MAGI2: variants seen among roughly 807,000 people sequenced by gnomAD.
MAGI2 encodes the protein membrane associated guanylate kinase, WW and PDZ domain containing 2, also known as membrane-associated guanylate kinase, WW and PDZ domain-containing protein 2.
A neutral mutation model predicts 133.3 loss-of-function variants in MAGI2; 35 were observed. That is an observed-to-expected ratio of 0.26 (90% CI 0.20 to 0.35). The LOEUF (loss-of-function observed/expected upper bound fraction) is 0.35. Among genes scored for constraint, MAGI2 ranks in the 10% least tolerant of loss-of-function variants. The pLI is 1.00. For missense variants in MAGI2, 1,636 were observed against 1,863.4 expected, an observed-to-expected ratio of 0.88 and a Z score of 2.25; for synonymous variants, 729 against 710.6, an observed-to-expected ratio of 1.03 and a Z score of -0.41.
intron 2 of MAGI2, among the ~76,000 whole-genome samples, chr7:78,659,251 C>G (rs1402685067): frequency 1.3e-5 from 2 of 151,772 alleles, no homozygotes; most frequent in African/African-American, 4.8e-5. Context: ...GAGATTGAGA[C>G]CATCCTGGTT....
At chr7:79,443,810 A>G (rs577374836) in intron 1 of MAGI2, among the ~76,000 whole-genome samples, 145 of 152,324 alleles carry the variant, frequency 9.5e-4, no homozygotes, top group Admixed American at 1.8e-3. Context: ...TTCAAACACA[A>G]TGTAATATAA....
At chr7:78,398,817 T>C (rs76197084) in intron 6 of MAGI2, among the ~76,000 whole-genome samples, 486 of 152,244 alleles carry the variant, frequency 3.2e-3, no homozygotes, top group African/African-American at 0.011. Context: ...CACCCTAGTG[T>C]TTAAAAATCC....
At chr7:78,311,469 CA>C (rs1465982691) in intron 9 of MAGI2, among the ~76,000 whole-genome samples, 1 of 152,142 alleles carries the variant, frequency 6.6e-6, no homozygotes, top group African/African-American at 2.4e-5. Flanking sequence ...ATCCAGACTA[CA>C]GAGGATCAAG....
intron 12 of MAGI2, among the ~76,000 whole-genome samples, chr7:78,185,993 C>T (rs1477950607): frequency 1.3e-5 from 2 of 152,014 alleles, no homozygotes; most frequent in Non-Finnish European, 2.9e-5. Context: ...AAAGTAAAGT[C>T]AATCTAGAAC....
chr7:78,076,770 C>T (rs1038398533), intron 21 of MAGI2, among the ~76,000 whole-genome samples: 53 of 138,036 alleles, frequency 3.8e-4, no homozygotes, highest in African/African-American at 1.3e-3. Flanking sequence ...GGCGTGAACC[C>T]GGGAAGCGGA....
At chr7:78,955,171 T>C (rs990817898) in intron 2 of MAGI2, among the ~76,000 whole-genome samples, 5 of 152,152 alleles carry the variant, frequency 3.3e-5, no homozygotes, top group African/African-American at 9.7e-5. Flanking sequence ...GTATTTAGTA[T>C]CTTAATAAAT....
At chr7:79,221,926 G>A (rs1830472476) in intron 1 of MAGI2, among the ~76,000 whole-genome samples, 1 of 151,892 alleles carries the variant, frequency 6.6e-6, no homozygotes, top group Admixed American at 6.6e-5. Context: ...TTTCTCCAGT[G>A]TTCAAAATTA....
At chr7:78,216,563 A>G (rs1156622562) in intron 10 of MAGI2, among the ~76,000 whole-genome samples, 1 of 152,146 alleles carries the variant, frequency 6.6e-6, no homozygotes, top group Non-Finnish European at 1.5e-5. Flanking sequence ...CTCCGGCCAC[A>G]GGGACCTTCT....
chr7:78,657,589 A>G (rs1812442827), intron 2 of MAGI2, among the ~76,000 whole-genome samples: 2 of 151,986 alleles, frequency 1.3e-5, no homozygotes, highest in Non-Finnish European at 2.9e-5. Flanking sequence ...GATTCCAACT[A>G]TATGGTATTT....
chr7:79,186,194 ATATATATATATATATATATATATATATAT>A (rs1827084328), intron 1 of MAGI2, among the ~76,000 whole-genome samples: 1 of 798 alleles, frequency 1.3e-3, no homozygotes, highest in Non-Finnish European at 6.2e-3. Flanking sequence ...CTGGGAAAAT[ATATATATATATATATATATATATATATAT>A]ATATATATAT....
chr7:78,595,803 C>T (rs148117249), intron 3 of MAGI2, among the ~76,000 whole-genome samples: 5 of 152,170 alleles, frequency 3.3e-5, no homozygotes, highest in African/African-American at 4.8e-5. Context: ...TTGAATGTAT[C>T]GGTAGACTCT....
At chr7:78,765,625 G>T (rs1824946183) in intron 2 of MAGI2, among the ~76,000 whole-genome samples, 1 of 152,012 alleles carries the variant, frequency 6.6e-6, no homozygotes, top group South Asian at 2.1e-4. Flanking sequence ...GAGATTACGG[G>T]TGTGAGCCAT....
At chr7:79,391,069 C>T (rs1428855317) in intron 1 of MAGI2, among the ~76,000 whole-genome samples, 1 of 152,154 alleles carries the variant, frequency 6.6e-6, no homozygotes, top group Non-Finnish European at 1.5e-5. Flanking sequence ...AATACTCTAT[C>T]CCAGGGCTCT....
At chr7:78,887,216 C>T (rs1357345879) in intron 2 of MAGI2, among the ~76,000 whole-genome samples, 1 of 152,178 alleles carries the variant, frequency 6.6e-6, no homozygotes, top group African/African-American at 2.4e-5. Flanking sequence ...CAGTAATCAC[C>T]ATCCTGTCAT....
At chr7:78,736,534 G>C (rs1821864614) in intron 2 of MAGI2, among the ~76,000 whole-genome samples, 1 of 152,146 alleles carries the variant, frequency 6.6e-6, no homozygotes, top group Non-Finnish European at 1.5e-5. Flanking sequence ...CCCTAGAATA[G>C]ATGTTCTTAA....
intron 2 of MAGI2, among the ~76,000 whole-genome samples, chr7:78,994,803 C>T (rs10485922): frequency 0.083 from 12,676 of 152,084 alleles, 578 homozygotes; most frequent in African/African-American, 0.12. Flanking sequence ...AATACTTGCA[C>T]GTAGATGTTT....
intron 16 of MAGI2, among the ~76,000 whole-genome samples, chr7:78,148,522 G>C (rs1389543324): frequency 6.6e-6 from 1 of 152,156 alleles, no homozygotes; most frequent in Non-Finnish European, 1.5e-5. Flanking sequence ...AAGGAGATAA[G>C]AGGTTTTGGA....
At chr7:78,710,424 A>G (rs900069380) in intron 2 of MAGI2, among the ~76,000 whole-genome samples, 3 of 152,154 alleles carry the variant, frequency 2.0e-5, no homozygotes, top group Admixed American at 1.3e-4. Context: ...AAATCACTCC[A>G]TATTAACCCC....
intron 21 of MAGI2, among the ~76,000 whole-genome samples, chr7:78,049,205 T>C (rs1293354208): frequency 6.6e-6 from 1 of 152,114 alleles, no homozygotes; most frequent in Admixed American, 6.5e-5. Context: ...GGACAGGACA[T>C]GATGAGAAAG....
Sources: allele counts gnomAD v4.1 joint callset (sites outside exome capture counted in the v4.1 genomes callset), GRCh38; gene constraint gnomAD v4.1.1; transcripts MANE v1.5; gene names NCBI Gene and HGNC (gene_info 2026-07-23, HGNC 2026-07-21).